HEATR3: variants seen among roughly 807,000 people sequenced by gnomAD.
HEATR3 encodes the protein HEAT repeat-containing protein 3.
HEATR3 carries 56 observed loss-of-function variants against 72.8 expected under a neutral mutation model. The ratio of observed to expected loss-of-function variants is 0.77; its 90% CI spans 0.62 to 0.96. HEATR3 has a LOEUF of 0.96. Among genes scored for constraint, HEATR3 ranks in the 40% least tolerant of loss-of-function variants. HEATR3 has a pLI of 0.00. For synonymous variants in HEATR3, 331 were observed against 318.1 expected (o/e 1.04, Z -0.43); for missense variants, 747 against 831.4 (o/e 0.90, Z 1.25).
chr16:50,067,891 A>G (rs2036533753), intron 2 of HEATR3, among the ~76,000 whole-genome samples: 1 of 152,252 alleles, frequency 6.6e-6, no homozygotes, highest in Non-Finnish European at 1.5e-5. Flanking sequence ...TGAGGGAGAC[A>G]AGCATTAACC....
At chr16:50,071,022 T>TA (rs781670795) in intron 4 of HEATR3, among the ~76,000 whole-genome samples, 8 of 152,186 alleles carry the variant, frequency 5.3e-5, no homozygotes, top group African/African-American at 1.4e-4. Context: ...TCCTGGCACT[T>TA]ACTGTCTGAT....
intron 6 of HEATR3, among the ~76,000 whole-genome samples, chr16:50,077,590 C>T (rs2036765525): frequency 6.6e-6 from 1 of 152,194 alleles, no homozygotes; most frequent in South Asian, 2.1e-4. Context: ...ATTTCCCCTT[C>T]CCCCAGCTGC....
At chr16:50,096,777 C>T (rs28403394) in intron 12 of HEATR3, among the ~76,000 whole-genome samples, 18,119 of 152,162 alleles carry the variant, frequency 0.12, 1,111 homozygotes, top group African/African-American at 0.15. Flanking sequence ...CCAGCCTGGG[C>T]GACAGAGGGA....
intron 2 of HEATR3, among the ~76,000 whole-genome samples, chr16:50,067,595 A>C (rs2036526560): frequency 8.0e-6 from 1 of 124,402 alleles, no homozygotes; most frequent in Non-Finnish European, 1.7e-5. Context: ...GAGCTGTACG[A>C]TGGTGTAGGG....
chr16:50,075,031 A>C (rs2036693132), intron 5 of HEATR3: 1 of 149,724 alleles, frequency 6.7e-6, no homozygotes, highest in Non-Finnish European at 1.5e-5. Flanking sequence ...AAAAGTGTAG[A>C]TCTGGCTGGG....
intron 11 of HEATR3, among the ~76,000 whole-genome samples, chr16:50,086,722 G>A (rs2036996000): frequency 6.6e-6 from 1 of 152,132 alleles, no homozygotes; most frequent in South Asian, 2.1e-4. Flanking sequence ...CTCAGGTCAG[G>A]AGTTGGAGAC....
intron 7 of HEATR3, among the ~76,000 whole-genome samples, chr16:50,081,067 T>C (rs2036856280): frequency 6.6e-6 from 1 of 152,254 alleles, no homozygotes; most frequent in South Asian, 2.1e-4. Context: ...TTAACTGATA[T>C]GTAGAAATTT....
At position 50,102,335 on chromosome 16, in the gene HEATR3, T is replaced by A; in HGVS notation, c.1820T>A (p.Leu607His). The change falls in exon 14 of 15, where the codon CTC becomes CAC. Residue 607 changes from leucine to histidine, a missense_variant. By Grantham distance (99) the Leu-to-His change is moderately conservative. Coordinates refer to ENST00000299192, the MANE Select transcript of HEATR3 (RefSeq NM_182922.4). ...GTAGCAGGAGAAGCTTTGGATGCCCTCTTTGATGTTTTTGCAGATGGTAAA... is the reference window on the plus strand; with the variant it reads ...GTAGCAGGAGAAGCTTTGGATGCCCACTTTGATGTTTTTGCAGATGGTAAA... ...LVVAGEALDA[L>H]FDVFADGKEA... 6.2e-7 allele frequency: 1 copy of A among 1,614,106 alleles called. No homozygotes were observed. The highest frequency in any genetic ancestry group is 8.5e-7 in the Non-Finnish European group (1 of 1,179,984).
At chr16:50,070,142 A>T in intron 3 of HEATR3, 36 bp from the exon 4 acceptor site, 1 of 1,050,722 alleles carries the variant, frequency 9.5e-7, no homozygotes, top group South Asian at 1.5e-5. Flanking sequence ...AATTCTTCTT[A>T]GGAACCAGGG....
intron 3 of HEATR3, 26 bp from the exon 4 acceptor site, chr16:50,070,152 G>T: frequency 8.7e-7 from 1 of 1,151,370 alleles, no homozygotes. Context: ...AGGAACCAGG[G>T]TGCTAATCAT....
At chr16:50,094,572 G>GTT in intron 11 of HEATR3, 133 bp from the exon 12 acceptor site, 5 of 511,520 alleles carry the variant, frequency 9.8e-6, no homozygotes, top group East Asian at 3.4e-5. Context: ...AATATCGAGG[G>GTT]TTTTTTTTTG....
intron 2 of HEATR3, among the ~76,000 whole-genome samples, chr16:50,067,605 G>A (rs1227391735): frequency 1.3e-5 from 1 of 79,566 alleles, no homozygotes; most frequent in Non-Finnish European, 3.0e-5. Context: ...ATGGTGTAGG[G>A]CTGAGGACTT....
intron 11 of HEATR3, among the ~76,000 whole-genome samples, chr16:50,087,668 A>G (rs1597160413): frequency 1.3e-5 from 2 of 152,332 alleles, no homozygotes; most frequent in East Asian, 3.9e-4. Flanking sequence ...CCTCTCTCTC[A>G]GCTGCTGAGG....
In HEATR3 at chr16:50,066,129, A is replaced by G. The variant is rs370425100; in HGVS notation, c.-3A>G. On this transcript the variant is annotated 5_prime_UTR_variant, in exon 1 of 15. Transcript: ENST00000299192. ...GTGGTCTGTCCGCCCAGCGCACGTC[A>G]CCATGGGCAAGAGCCGGACGAAGCG... The G allele has an allele frequency of 1.7e-4, 268 of 1,591,136 alleles. 1 individual carries two copies. In the East Asian group the frequency reaches 2.9e-3, roughly 17 times the overall value.
At chr16:50,069,024 C>T (rs2036557021) in intron 3 of HEATR3, among the ~76,000 whole-genome samples, 157 bp downstream of exon 3, 1 of 152,078 alleles carries the variant, frequency 6.6e-6, no homozygotes, top group South Asian at 2.1e-4. Context: ...ATTATTGATA[C>T]TAATCTCTAT....
rs1257422255 is a variant in HEATR3, at chr16:50,066,080, G to A, written c.-52G>A. 1 of 1,538,824 alleles carries A rather than the reference G, an allele frequency of 6.5e-7. No individual in the cohort carries two copies. The highest frequency in any genetic ancestry group is 1.4e-5 in the African/African-American group (1 of 72,080). ...TGTTAACGGCGCGGCAGCCTCCACCGCCTGCTGTTGCCCTCCTCTCTCGGT... is the reference window on the plus strand; with the variant it reads ...TGTTAACGGCGCGGCAGCCTCCACCACCTGCTGTTGCCCTCCTCTCTCGGT... On this transcript the variant is annotated 5_prime_UTR_variant, in exon 1 of 15. Coordinates refer to ENST00000299192, the MANE Select transcript of HEATR3 (RefSeq NM_182922.4).
intron 2 of HEATR3, 187 bp downstream of exon 2, chr16:50,066,726 C>A: frequency 2.0e-6 from 1 of 496,470 alleles, no homozygotes; most frequent in Non-Finnish European, 3.2e-6. Context: ...TCTCATCTGT[C>A]CACCTGGCTG....
At position 50,083,931 on chromosome 16, in the gene HEATR3, T is replaced by C; in HGVS notation, c.1042-6T>C. On this transcript the variant is annotated splice_polypyrimidine_tract_variant and splice_region_variant and intron_variant, in intron 7 of 14. Transcript: ENST00000299192. ...TTGGTCATTTACTTTTTTTTTTTTT[T>C]TTAAGCCCACTGACAAGGAACTGAG... is the stretch of plus-strand genomic sequence containing the variant. 2 of 1,583,684 alleles carry C rather than the reference T, an allele frequency of 1.3e-6. No homozygotes were observed. Among genetic ancestry groups the C allele is most frequent in the South Asian group, 1.2e-5 (1 of 86,306 alleles).
chr16:50,078,932 G>A lies in HEATR3; in HGVS notation c.955G>A (p.Asp319Asn). 6.2e-7 allele frequency: 1 copy of A among 1,613,920 alleles called. No homozygotes were observed. The highest frequency in any genetic ancestry group is 8.5e-7 in the Non-Finnish European group (1 of 1,179,872). ...AEEILENTNG[D>N]DLIEDDEMEG... ...GGAAATATTAGAGAACACTAATGGGGATGATTTGATTGAAGATGATGAAAT... is the reference window on the plus strand; with the variant it reads ...GGAAATATTAGAGAACACTAATGGGAATGATTTGATTGAAGATGATGAAAT... Residue 319 changes from aspartate (D) to asparagine (N), a missense_variant, in exon 7 of 15, where the codon GAT becomes AAT. Around this residue, in one of 2 missense-constraint regions of HEATR3, gnomAD observed 586 missense variants for 708.8 expected, o/e 0.83. Transcript: ENST00000299192.
Sources: allele counts gnomAD v4.1 joint callset (sites outside exome capture counted in the v4.1 genomes callset), GRCh38; gene constraint gnomAD v4.1.1; regional missense constraint gnomAD v4.1.1; transcripts MANE v1.5; gene names NCBI Gene and HGNC (gene_info 2026-07-23, HGNC 2026-07-21).